Variants in GNAQ observed in about 807,000 individuals in gnomAD.
The protein encoded by GNAQ is guanine nucleotide-binding protein G(q) subunit alpha.
Under a neutral mutation model 43.9 loss-of-function variants are expected in GNAQ, and 8 were observed. That is an observed-to-expected ratio of 0.18 (90% CI 0.11 to 0.33). The LOEUF (loss-of-function observed/expected upper bound fraction) is 0.33, where lower values mean the gene tolerates loss of function less well. GNAQ is among the 10% of genes least tolerant of loss of function. GNAQ has a pLI of 1.00. For missense variants in GNAQ, 158 were observed against 450.8 expected, an observed-to-expected ratio of 0.35 and a Z score of 5.88; for synonymous variants, 155 against 170.7, an observed-to-expected ratio of 0.91 and a Z score of 0.71.
At chr9:77,763,141 C>CAAAAAAAAA (rs34812363) in intron 5 of GNAQ, among the ~76,000 whole-genome samples, 2 of 64,832 alleles carry the variant, frequency 3.1e-5, no homozygotes, top group African/African-American at 3.5e-5. Flanking sequence ...AACAAACAAA[C>CAAAAAAAAA]AAAAAAAAAA....
In GNAQ at chr9:77,922,137, G is replaced by A. The variant is rs745443732; in HGVS notation, c.321+24C>T. 8.4e-6 allele frequency: 13 copies of A among 1,543,588 alleles called. 1 individual carries two copies. In the African/African-American group the frequency reaches 1.6e-4, roughly 19 times the overall value. ...GAACACCTGGAACATTCAGCTGACTGCTCCAATGAAGAGTCGCACCTACCT... is the reference window on the plus strand; with the variant it reads ...GAACACCTGGAACATTCAGCTGACTACTCCAATGAAGAGTCGCACCTACCT... On this transcript the variant is annotated intron_variant, in intron 2 of 6. Transcript: ENST00000286548.
chr9:77,957,365 CA>C (rs578219305), intron 1 of GNAQ, among the ~76,000 whole-genome samples: 3 of 151,160 alleles, frequency 2.0e-5, no homozygotes, highest in Non-Finnish European at 3.0e-5. Flanking sequence ...CAAAAAAAAA[CA>C]AAAAAACAAA....
chr9:77,997,581 G>C (rs1038733025), intron 1 of GNAQ, among the ~76,000 whole-genome samples: 1 of 152,086 alleles, frequency 6.6e-6, no homozygotes, highest in Non-Finnish European at 1.5e-5. Flanking sequence ...TGATCAGAAC[G>C]GGATCCCCTT....
chr9:77,838,004 T>A (rs966467109), intron 2 of GNAQ, among the ~76,000 whole-genome samples: 1 of 151,936 alleles, frequency 6.6e-6, no homozygotes, highest in Admixed American at 6.6e-5. Context: ...ACTACAGGTA[T>A]GCGCCACCAC....
intron 2 of GNAQ, among the ~76,000 whole-genome samples, chr9:77,920,156 A>C (rs1377480248): frequency 6.6e-6 from 1 of 152,040 alleles, no homozygotes; most frequent in Non-Finnish European, 1.5e-5. Flanking sequence ...AAAAGAATTG[A>C]CATGAAAAGT....
At chr9:78,014,354 G>A (rs182310966) in intron 1 of GNAQ, among the ~76,000 whole-genome samples, 18 of 152,276 alleles carry the variant, frequency 1.2e-4, no homozygotes. Context: ...GCCAGGCGTG[G>A]TGGCTCACTC....
rs1827373419 is a variant in GNAQ at position 77,835,733 on chromosome 9, G to C, written c.322-19963C>G. ...AACTGAAGTGGGGCATAGGAGGACT[G>C]ATAAATAACTTGCCTACGAATTGCA... On this transcript the variant is annotated intron_variant, in intron 2 of 6. Coordinates refer to ENST00000286548, the MANE Select transcript of GNAQ (RefSeq NM_002072.5). 1.3e-5 allele frequency among the ~76,000 whole-genome samples: 2 copies of C among 152,186 alleles called. 1 individual carries two copies. The highest frequency in any genetic ancestry group is 4.1e-4 in the South Asian group (2 of 4,826).
intron 2 of GNAQ, among the ~76,000 whole-genome samples, chr9:77,889,156 TG>T (rs1033914299): frequency 5.3e-5 from 8 of 151,994 alleles, no homozygotes; most frequent in African/African-American, 1.7e-4. Context: ...GGCTCACACC[TG>T]TAATCCCAGC....
intron 1 of GNAQ, among the ~76,000 whole-genome samples, 158 bp downstream of exon 1, chr9:78,030,942 G>A (rs559447923): frequency 2.1e-4 from 32 of 151,568 alleles, no homozygotes; most frequent in Middle Eastern, 3.4e-3. Context: ...GCGCCCGCGC[G>A]CCCGCGCGGG....
chr9:77,979,830 T>C (rs1227800014), intron 1 of GNAQ, among the ~76,000 whole-genome samples: 8 of 152,230 alleles, frequency 5.3e-5, no homozygotes, highest in Admixed American at 4.6e-4. Context: ...GTTTGCTACA[T>C]GATTTGGCAT....
chr9:77,915,268 ACT>A (rs1828880019), intron 2 of GNAQ, among the ~76,000 whole-genome samples: 1 of 149,614 alleles, frequency 6.7e-6, no homozygotes, highest in Non-Finnish European at 1.5e-5. Context: ...CTCTGAAGTG[ACT>A]CTGAGGTTTT....
At chr9:78,021,753 G>T (rs1383888499) in intron 1 of GNAQ, among the ~76,000 whole-genome samples, 1 of 152,216 alleles carries the variant, frequency 6.6e-6, no homozygotes, top group Non-Finnish European at 1.5e-5. Context: ...GTTGTGTTTG[G>T]CTTCAGTCAC....
At chr9:77,825,935 C>T (rs914272902) in intron 2 of GNAQ, among the ~76,000 whole-genome samples, 1 of 152,052 alleles carries the variant, frequency 6.6e-6, no homozygotes, top group African/African-American at 2.4e-5. Context: ...CTACCTGATA[C>T]AGCAAAATTT....
At chr9:78,002,184 T>C (rs2118554489) in intron 1 of GNAQ, among the ~76,000 whole-genome samples, 1 of 152,292 alleles carries the variant, frequency 6.6e-6, no homozygotes, top group South Asian at 2.1e-4. Context: ...GAGGAAGACA[T>C]ATTTCCTCCC....
chr9:77,991,704 T>C (rs976694468), intron 1 of GNAQ, among the ~76,000 whole-genome samples: 2 of 152,144 alleles, frequency 1.3e-5, no homozygotes, highest in Non-Finnish European at 2.9e-5. Flanking sequence ...ATGCAGTCTT[T>C]TATCCCTCAC....
At chr9:77,778,960 C>T (rs972580309) in intron 5 of GNAQ, among the ~76,000 whole-genome samples, 1 of 151,842 alleles carries the variant, frequency 6.6e-6, no homozygotes, top group Non-Finnish European at 1.5e-5. Flanking sequence ...ACAGATAAAC[C>T]CGCTATTACA....
At chr9:77,998,084 A>G (rs1310206332) in intron 1 of GNAQ, among the ~76,000 whole-genome samples, 1 of 152,076 alleles carries the variant, frequency 6.6e-6, no homozygotes, top group Non-Finnish European at 1.5e-5. Flanking sequence ...GCATGTACAC[A>G]CACGCTGGCG....
At chr9:77,964,404 T>C (rs1017264186) in intron 1 of GNAQ, among the ~76,000 whole-genome samples, 1 of 152,088 alleles carries the variant, frequency 6.6e-6, no homozygotes, top group East Asian at 1.9e-4. Flanking sequence ...GAGAAATACA[T>C]CAAAGATAAT....
In GNAQ at chr9:77,861,855, C is replaced by T. The variant is rs753657531; in HGVS notation, c.322-46085G>A. On this transcript the variant is annotated intron_variant, in intron 2 of 6. Coordinates refer to ENST00000286548, the MANE Select transcript of GNAQ (RefSeq NM_002072.5). ...TCTCTACTAAAAATACAAAAATTAG[C>T]CGGGCGTGGTGGCATGGCACACACC... 4.6e-5 allele frequency among the ~76,000 whole-genome samples: 7 copies of T among 151,824 alleles called. No individual in the cohort carries two copies. The East Asian group carries it at 9.7e-4, about 21-fold the overall frequency.
Sources: allele counts gnomAD v4.1 joint callset (sites outside exome capture counted in the v4.1 genomes callset), GRCh38; gene constraint gnomAD v4.1.1; transcripts MANE v1.5; gene names NCBI Gene and HGNC (gene_info 2026-07-23, HGNC 2026-07-21).